The following CCNH variants were observed in gnomAD, a reference collection of about 807,000 sequenced individuals.
The protein encoded by CCNH is cyclin-H.
CCNH carries 31 observed loss-of-function variants against 41.9 expected under a neutral mutation model. The ratio of observed to expected loss-of-function variants is 0.74; its 90% CI spans 0.56 to 1.00. CCNH has a LOEUF of 1.00. Among genes scored for constraint, CCNH ranks in the 50% least tolerant of loss-of-function variants. The pLI is 0.00. For missense variants in CCNH, 362 were observed against 388.4 expected (o/e 0.93, Z 0.57); for synonymous variants, 138 against 136.1 (o/e 1.01, Z -0.10).
At chr5:87,361,100 G>T (rs530864279) in intron 9 of CCNH, among the ~76,000 whole-genome samples, 1 of 152,102 alleles carries the variant, frequency 6.6e-6, no homozygotes, top group African/African-American at 2.4e-5. Context: ...CCAGCGGTTG[G>T]CAAAAGTTTT....
intron 9 of CCNH, among the ~76,000 whole-genome samples, chr5:87,356,415 G>A (rs1759655224): frequency 6.6e-6 from 1 of 151,602 alleles, no homozygotes; most frequent in African/African-American, 2.4e-5. Flanking sequence ...CCGGAGTCAG[G>A]GTCTTGCGCT....
At chr5:87,330,116 T>C (rs1757503507) in intron 9 of CCNH, among the ~76,000 whole-genome samples, 1 of 152,174 alleles carries the variant, frequency 6.6e-6, no homozygotes, top group African/African-American at 2.4e-5. Context: ...ATAAGTTCAT[T>C]ATTTTCAGCC....
Position 87,403,779 on chromosome 5 carries a change from C to CA in CCNH, c.689+1064dup, listed in dbSNP as rs1446803411. On this transcript the variant is annotated intron_variant, in intron 5 of 8. Coordinates refer to ENST00000256897, the MANE Select transcript of CCNH (RefSeq NM_001239.4). ...CCTGGGTGAGAGTGAGATGCTGTCT[C>CA]AAAAAAAATAACCACCCAACCCCCA... Among the ~76,000 whole-genome samples the CA allele has an allele frequency of 2.6e-5, 4 of 151,624 alleles. No homozygotes were observed. The East Asian group carries it at 7.7e-4, about 29-fold the overall frequency.
chr5:87,397,828 AT>A (rs1443688573), intron 7 of CCNH, among the ~76,000 whole-genome samples: 1 of 152,186 alleles, frequency 6.6e-6, no homozygotes, highest in Admixed American at 6.5e-5. Context: ...GACAGTAAAT[AT>A]TTTCGGCCTT....
chr5:87,332,910 C>G (rs1345689673), intron 9 of CCNH, among the ~76,000 whole-genome samples: 2 of 151,994 alleles, frequency 1.3e-5, no homozygotes, highest in Non-Finnish European at 2.9e-5. Flanking sequence ...TGTATGGGAA[C>G]AAATTACTGA....
chr5:87,378,496 A>T (rs1300223288), upstream of CCNH: 1 of 1,612,000 alleles, frequency 6.2e-7, no homozygotes, highest in Non-Finnish European at 8.5e-7. Context: ...ATGCTTTGAA[A>T]GACTCTATTT....
intron 9 of CCNH, chr5:87,346,875 T>C: frequency 1.9e-6 from 1 of 540,522 alleles, no homozygotes; most frequent in Admixed American, 3.5e-5. Context: ...GGTGTTTTTA[T>C]TTATATTTTA....
rs535462783 is a variant in CCNH at position 87,361,241 on chromosome 5, G to C, written c.*90+31529C>G. Among the ~76,000 whole-genome samples, 4 of 152,332 alleles carry C rather than the reference G, an allele frequency of 2.6e-5. No homozygotes were observed. The South Asian group carries it at 6.2e-4, about 24-fold the overall frequency. The stretch of plus-strand genomic sequence containing the variant: ...GTAAAACTTTATGTATAAAAAACAG[G>C]TGGTGGACTGGATTTAGCATGCGTG... On this transcript the variant is annotated intron_variant and NMD_transcript_variant, in intron 9 of 9. Transcript: ENST00000645953.
At chr5:87,363,639 T>C in intron 9 of CCNH, 1 of 968,768 alleles carries the variant, frequency 1.0e-6, no homozygotes, top group East Asian at 2.6e-5. Context: ...AATTTTTGCC[T>C]TCCTTGCTTA....
chr5:87,361,305 C>A (rs1760074808), intron 9 of CCNH, among the ~76,000 whole-genome samples: 1 of 152,176 alleles, frequency 6.6e-6, no homozygotes, highest in East Asian at 1.9e-4. Context: ...ATTCATTCTT[C>A]TATTTTCTTA....
intron 9 of CCNH, chr5:87,346,526 A>T: frequency 1.0e-5 from 5 of 498,006 alleles, no homozygotes; most frequent in African/African-American, 1.9e-5. Flanking sequence ...AAAATGTATT[A>T]AAATGTAATA....
intron 9 of CCNH, among the ~76,000 whole-genome samples, chr5:87,343,131 C>A (rs1335772065): frequency 6.6e-6 from 1 of 152,110 alleles, no homozygotes; most frequent in Non-Finnish European, 1.5e-5. Context: ...AAAGTGTCCT[C>A]AGTAACATCT....
Position 87,395,108 on chromosome 5 carries a change from T to C in CCNH, c.873-4A>G, listed in dbSNP as rs762367583. ...TTCATAGCCTTTCCTCTTCTTCCTA[T>C]AATTAAGCAACTATCAATAAGCAAT... is the stretch of plus-strand genomic sequence containing the variant. On this transcript the variant is annotated splice_polypyrimidine_tract_variant and splice_region_variant and intron_variant, in intron 7 of 8. Transcript: ENST00000256897. 1.9e-6 allele frequency: 3 copies of C among 1,608,356 alleles called. No individual in the cohort carries two copies. The highest frequency in any genetic ancestry group is 2.7e-5 in the African/African-American group (2 of 74,642).
chr5:87,408,885 C>T (rs966128762), intron 3 of CCNH, among the ~76,000 whole-genome samples: 10 of 152,120 alleles, frequency 6.6e-5, no homozygotes, highest in African/African-American at 2.4e-4. Flanking sequence ...CAGCAGAGAG[C>T]AGCAACAACA....
chr5:87,412,734 T>C lies in CCNH; in HGVS notation c.61A>G (p.Arg21Gly), dbSNP rs1190157470. 3 of 1,614,110 alleles carry C rather than the reference T, an allele frequency of 1.9e-6. No homozygotes were observed. The highest frequency in any genetic ancestry group is 3.3e-5 in the Admixed American group (2 of 60,010). The change falls in exon 1 of 9, where the codon AGA becomes GGA. Residue 21 changes from arginine to glycine, a missense_variant. By Grantham distance (125) the Arg-to-Gly change is moderately radical. Transcript: ENST00000256897. Reference protein sequence around the residue: ...WTFSSEEQLARLRADANRKFR... With the variant: ...WTFSSEEQLAGLRADANRKFR... ...TTGCGGTTGGCGTCAGCCCGCAGTC[T>C]TGCCAGCTGCTCCTCGCTGGAGAAG...
At chr5:87,317,670 C>T (rs1383002501), downstream of CCNH, among the ~76,000 whole-genome samples, 45 of 148,354 alleles carry the variant, frequency 3.0e-4, no homozygotes, top group African/African-American at 1.1e-3. Context: ...GAATCTTGCT[C>T]TGTTGCCCAG....
At chr5:87,386,693 G>T (rs774192807), downstream of CCNH, 13 of 732,064 alleles carry the variant, frequency 1.8e-5, no homozygotes, top group East Asian at 5.2e-5. Context: ...TACATGTATG[G>T]GTTTTGCTAT....
chr5:87,370,408 C>T, intron 9 of CCNH, among the ~76,000 whole-genome samples: 1 of 152,086 alleles, frequency 6.6e-6, no homozygotes, highest in East Asian at 1.9e-4. Flanking sequence ...CTTCTTATAG[C>T]GTCTATTAAG....
intron 9 of CCNH, among the ~76,000 whole-genome samples, chr5:87,368,631 C>T (rs1306802110): frequency 6.6e-6 from 1 of 152,166 alleles, no homozygotes; most frequent in African/African-American, 2.4e-5. Flanking sequence ...AGGCACAGCC[C>T]TTCAGGGGTC....
Sources: gnomAD v4.1 joint callset for allele counts (sites outside exome capture counted in the v4.1 genomes callset) on GRCh38, gnomAD v4.1.1 for gene constraint, MANE v1.5 for transcripts, NCBI Gene and HGNC (gene_info 2026-07-23, HGNC 2026-07-21) for gene names.